PTPRT: variants seen among roughly 807,000 people sequenced by gnomAD.
PTPRT encodes protein tyrosine phosphatase receptor type T, also known as receptor-type tyrosine-protein phosphatase T.
A neutral mutation model predicts 176.8 loss-of-function variants in PTPRT; 56 were observed. That is an observed-to-expected ratio of 0.32 (90% CI 0.26 to 0.40). The LOEUF (loss-of-function observed/expected upper bound fraction) is 0.40, where lower values mean the gene tolerates loss of function less well. Ranked by LOEUF, PTPRT falls within the 10% of genes least tolerant of loss-of-function variation. The pLI, the probability that PTPRT is intolerant of heterozygous loss-of-function variation, is 1.00. For synonymous variants in PTPRT, 783 were observed against 739.0 expected, an observed-to-expected ratio of 1.06 and a Z score of -0.96; for missense variants, 1,540 against 1,908.2, an observed-to-expected ratio of 0.81 and a Z score of 3.60.
chr20:43,078,301 TCTCCTTGAAG>T (rs1667474809), intron 1 of PTPRT, among the ~76,000 whole-genome samples: 1 of 152,182 alleles, frequency 6.6e-6, no homozygotes, highest in Admixed American at 6.5e-5. Flanking sequence ...AGGGAAGCAG[TCTCCTTGAAG>T]CTGACCACTC....
At chr20:42,648,340 T>A (rs2074953788) in intron 7 of PTPRT, among the ~76,000 whole-genome samples, 1 of 152,126 alleles carries the variant, frequency 6.6e-6, no homozygotes, top group Admixed American at 6.5e-5. Flanking sequence ...TCTGCAAGAC[T>A]ACTGCTGTCC....
chr20:42,515,856 A>T (rs548788966), intron 7 of PTPRT, among the ~76,000 whole-genome samples: 13 of 150,538 alleles, frequency 8.6e-5, no homozygotes, highest in South Asian at 8.6e-4. Flanking sequence ...AACCAACCCA[A>T]ATGTCCAACA....
At chr20:43,018,712 G>A (rs1359955674) in intron 1 of PTPRT, among the ~76,000 whole-genome samples, 1 of 152,164 alleles carries the variant, frequency 6.6e-6, no homozygotes, top group African/African-American at 2.4e-5. Context: ...GTAATTTATG[G>A]AAAGCACTCA....
intron 7 of PTPRT, among the ~76,000 whole-genome samples, chr20:42,669,584 T>C (rs1047387543): frequency 2.6e-5 from 4 of 152,208 alleles, no homozygotes; most frequent in South Asian, 2.1e-4. Context: ...GGCCAAGTTA[T>C]GTTCCTCCCA....
intron 1 of PTPRT, among the ~76,000 whole-genome samples, chr20:43,122,456 T>A (rs756291810): frequency 4.6e-5 from 7 of 152,220 alleles, no homozygotes; most frequent in Non-Finnish European, 7.3e-5. Flanking sequence ...TGATACGGTT[T>A]GGGTGTTTGT....
chr20:42,049,180 G>C, the PTPRT span, among the ~76,000 whole-genome samples: 2 of 152,216 alleles, frequency 1.3e-5, no homozygotes, highest in African/African-American at 2.4e-5. Flanking sequence ...CTGTGGCTTT[G>C]AATTGGACCT....
At chr20:42,038,523 G>C in the PTPRT span, among the ~76,000 whole-genome samples, 1 of 152,180 alleles carries the variant, frequency 6.6e-6, no homozygotes, top group Non-Finnish European at 1.5e-5. Flanking sequence ...ATCTGTGTGG[G>C]GACACAAAGT....
At chr20:43,150,452 G>GTCTTT (rs2014314475) in intron 1 of PTPRT, among the ~76,000 whole-genome samples, 1 of 151,764 alleles carries the variant, frequency 6.6e-6, no homozygotes, top group African/African-American at 2.4e-5. Context: ...CTTCCACAGG[G>GTCTTT]TCTTTTCTTT....
chr20:43,041,972 G>A (rs888750184), intron 1 of PTPRT, among the ~76,000 whole-genome samples: 1 of 152,186 alleles, frequency 6.6e-6, no homozygotes, highest in Non-Finnish European at 1.5e-5. Flanking sequence ...AAAGAGAACA[G>A]ATTTTTGCAT....
chr20:42,699,601 T>G (rs955724967), intron 6 of PTPRT, among the ~76,000 whole-genome samples: 1 of 152,094 alleles, frequency 6.6e-6, no homozygotes, highest in African/African-American at 2.4e-5. Context: ...TGGGAAAAAC[T>G]CATGAAGGGG....
intron 7 of PTPRT, among the ~76,000 whole-genome samples, chr20:42,593,352 T>C (rs2073613419): frequency 6.6e-6 from 1 of 152,132 alleles, no homozygotes; most frequent in Admixed American, 6.5e-5. Flanking sequence ...AGACACCCAC[T>C]CCTATTTCAC....
Position 42,379,449 on chromosome 20 carries a change from C to G in PTPRT, c.1561-27164G>C, listed in dbSNP as rs547152121. 2.6e-5 allele frequency among the ~76,000 whole-genome samples: 4 copies of G among 152,342 alleles called. No individual in the cohort carries two copies. The South Asian group carries it at 8.3e-4, about 32-fold the overall frequency. ...ATAACTATGACACCCTAATCATCAT[C>G]TCATGGGGAGACCCTAGAACAACCA... On this transcript the variant is annotated intron_variant, in intron 9 of 30. Coordinates refer to ENST00000373187, the MANE Select transcript of PTPRT (RefSeq NM_007050.6).
intron 13 of PTPRT, among the ~76,000 whole-genome samples, chr20:42,269,862 T>C (rs2056900910): frequency 6.6e-6 from 1 of 152,172 alleles, no homozygotes; most frequent in Admixed American, 6.5e-5. Context: ...GTAGACCTGA[T>C]CATAGTGAGA....
At chr20:43,188,967 C>A (rs535673470) in intron 1 of PTPRT, among the ~76,000 whole-genome samples, 1 of 152,130 alleles carries the variant, frequency 6.6e-6, no homozygotes, top group Non-Finnish European at 1.5e-5. Context: ...TTTTCAGGAG[C>A]GGACGCGCTC....
rs186880755 is a variant in PTPRT at position 42,164,245 on chromosome 20, A to G, written c.2492-2703T>C. Among the ~76,000 whole-genome samples, 255 of 152,356 alleles carry G rather than the reference A, an allele frequency of 1.7e-3. 1 individual carries two copies. The highest frequency in any genetic ancestry group is 2.9e-3 in the Non-Finnish European group (200 of 68,038). On this transcript the variant is annotated intron_variant, in intron 16 of 30. Coordinates refer to ENST00000373187, the MANE Select transcript of PTPRT (RefSeq NM_007050.6). ...ATGGGAGACCAGCTGCCTGGGAAAG[A>G]CAGGCTTCCTAGGAATGGGAACTTG... is the stretch of plus-strand genomic sequence containing the variant.
intron 2 of PTPRT, among the ~76,000 whole-genome samples, chr20:42,844,805 C>T (rs910339292): frequency 2.0e-5 from 3 of 152,216 alleles, no homozygotes; most frequent in African/African-American, 7.2e-5. Flanking sequence ...TTGGGTCAGA[C>T]CCCATGCTAG....
intron 2 of PTPRT, among the ~76,000 whole-genome samples, chr20:42,858,918 G>A (rs2145785590): frequency 6.6e-6 from 1 of 152,260 alleles, no homozygotes; most frequent in Middle Eastern, 3.4e-3. Flanking sequence ...GAGAGTCTTT[G>A]TCACCCCAGC....
chr20:42,334,761 C>A (rs970288006), intron 11 of PTPRT, among the ~76,000 whole-genome samples: 2 of 152,122 alleles, frequency 1.3e-5, no homozygotes, highest in South Asian at 4.1e-4. Context: ...GTTATGTGAT[C>A]TTCCTTAATT....
intron 4 of PTPRT, among the ~76,000 whole-genome samples, chr20:42,776,857 C>T (rs375108664): frequency 8.1e-5 from 12 of 148,528 alleles, no homozygotes; most frequent in Middle Eastern, 3.6e-3. Flanking sequence ...AATGCTTGTA[C>T]AATTATATAA....
Sources: allele counts gnomAD v4.1 joint callset (sites outside exome capture counted in the v4.1 genomes callset), GRCh38; gene constraint gnomAD v4.1.1; transcripts MANE v1.5; gene names NCBI Gene and HGNC (gene_info 2026-07-23, HGNC 2026-07-21).